Variants in MYO10 observed in about 807,000 individuals in gnomAD.
MYO10 encodes the protein myosin X, also known as unconventional myosin-X.
In MYO10, 133 loss-of-function variants were observed where a neutral mutation model predicts 257.3. The observed-to-expected ratio is 0.52, with a 90% CI of 0.45 to 0.60. The LOEUF is 0.60. MYO10 is among the 20% of genes least tolerant of loss of function. The pLI is 0.00. For missense variants in MYO10, 2,399 were observed against 2,635.7 expected (o/e 0.91, Z 1.97); for synonymous variants, 1,104 against 1,028.6 (o/e 1.07, Z -1.40).
intron 17 of MYO10, among the ~76,000 whole-genome samples, chr5:16,759,904 C>T (rs1165525312): frequency 1.3e-5 from 2 of 152,066 alleles, no homozygotes; most frequent in Non-Finnish European, 2.9e-5. Flanking sequence ...GTTTCAAATT[C>T]TGAGTTTCTA....
At chr5:16,839,654 T>A (rs1273579168) in intron 2 of MYO10, among the ~76,000 whole-genome samples, 2 of 151,978 alleles carry the variant, frequency 1.3e-5, no homozygotes, top group East Asian at 3.9e-4. Flanking sequence ...AAGGGGAAGA[T>A]CACCTGAGGC....
In MYO10 at chr5:16,843,757, GA is replaced by G. The variant is rs77383778; in HGVS notation, c.121-25591del. ...AATATATAGTGATGGGTAAATTACA[GA>G]AAAAAAAATTTTTTTGAAGGAATGG... On this transcript the variant is annotated intron_variant, in intron 2 of 40. Transcript: ENST00000513610. Among the ~76,000 whole-genome samples the G allele has an allele frequency of 8.9e-3, 1,345 of 151,750 alleles. 23 individuals carry two copies. The highest frequency in any genetic ancestry group is 0.031 in the African/African-American group (1,270 of 41,342).
chr5:16,738,376 G>A (rs17429640), intron 19 of MYO10: 96,334 of 985,206 alleles, frequency 0.098, 5,025 homozygotes, highest in African/African-American at 0.18. Context: ...CTGCAGAAGG[G>A]TAGCAAGTGC....
At chr5:16,668,588 G>A (rs1736289088) in intron 39 of MYO10, 120 bp from the exon 40 acceptor site, 2 of 713,880 alleles carry the variant, frequency 2.8e-6, no homozygotes, top group African/African-American at 1.8e-5. Context: ...TATATTCGAT[G>A]TGCATGCATG....
chr5:16,731,030 T>C (rs540078464), intron 19 of MYO10, among the ~76,000 whole-genome samples: 12 of 151,464 alleles, frequency 7.9e-5, no homozygotes, highest in Non-Finnish European at 1.8e-4. Context: ...TGTACTAGCA[T>C]TGATCAAAAC....
intron 2 of MYO10, among the ~76,000 whole-genome samples, chr5:16,870,902 A>C (rs253316): frequency 0.076 from 11,584 of 152,142 alleles, 1,214 homozygotes; most frequent in African/African-American, 0.24. Context: ...CACACACACA[A>C]AAAAAATTCT....
At chr5:16,837,147 C>T (rs1249769824) in intron 2 of MYO10, among the ~76,000 whole-genome samples, 1 of 152,020 alleles carries the variant, frequency 6.6e-6, no homozygotes, top group Non-Finnish European at 1.5e-5. Context: ...CCCATCTCTA[C>T]TAAAAATACA....
At chr5:16,908,769 A>G (rs1320887404) in intron 1 of MYO10, among the ~76,000 whole-genome samples, 2 of 152,250 alleles carry the variant, frequency 1.3e-5, no homozygotes, top group Non-Finnish European at 2.9e-5. Flanking sequence ...ATTTACTCAT[A>G]TAAAACAGAG....
intron 2 of MYO10, among the ~76,000 whole-genome samples, chr5:16,834,740 T>C (rs2126721070): frequency 6.6e-6 from 1 of 152,318 alleles, no homozygotes; most frequent in Middle Eastern, 3.4e-3. Context: ...TTAAGTGAAA[T>C]GAAAAGGACA....
At chr5:16,708,325 G>A (rs1267532053) in intron 21 of MYO10, among the ~76,000 whole-genome samples, 2 of 152,164 alleles carry the variant, frequency 1.3e-5, no homozygotes, top group Non-Finnish European at 2.9e-5. Context: ...TCCACTGTGT[G>A]TGAATATCTT....
intron 26 of MYO10, among the ~76,000 whole-genome samples, chr5:16,697,517 T>C (rs1460656342): frequency 2.6e-5 from 4 of 151,996 alleles, no homozygotes; most frequent in East Asian, 1.9e-4. Context: ...CTGGCCGACA[T>C]GGTGAAACCC....
At chr5:16,697,720 G>A (rs1423776921) in intron 26 of MYO10, among the ~76,000 whole-genome samples, 2 of 151,570 alleles carry the variant, frequency 1.3e-5, no homozygotes, top group Non-Finnish European at 2.9e-5. Flanking sequence ...GGTTTTCATG[G>A]TGGTGAAGAC....
intron 1 of MYO10, among the ~76,000 whole-genome samples, chr5:16,878,342 C>A (rs1744662742): frequency 6.6e-6 from 1 of 152,144 alleles, no homozygotes; most frequent in Non-Finnish European, 1.5e-5. Flanking sequence ...ACTCAGTCCA[C>A]CAGCACAAAT....
At chr5:16,699,782 GTC>G (rs1737950939) in intron 25 of MYO10, 1 of 99,410 alleles carries the variant, frequency 1.0e-5, no homozygotes, top group Non-Finnish European at 1.7e-5. Context: ...GCAAGCCTCA[GTC>G]TCAAAAAAAA....
At chr5:16,738,353 G>T in intron 19 of MYO10, 1 of 984,640 alleles carries the variant, frequency 1.0e-6, no homozygotes, top group Middle Eastern at 5.2e-4. Context: ...AACTGTGCTG[G>T]CTGGGAAGCT....
chr5:16,743,628 G>A (rs1196537465), intron 19 of MYO10, among the ~76,000 whole-genome samples: 2 of 151,832 alleles, frequency 1.3e-5, no homozygotes, highest in Non-Finnish European at 2.9e-5. Context: ...GAGTGAAAGA[G>A]TGAGACTCCA....
At chr5:16,719,751 G>A (rs2126596134) in intron 19 of MYO10, among the ~76,000 whole-genome samples, 1 of 152,182 alleles carries the variant, frequency 6.6e-6, no homozygotes, top group Middle Eastern at 3.4e-3. Flanking sequence ...ATCACCAGAG[G>A]TCAGGAGTTC....
At chr5:16,798,437 C>T (rs555826437) in intron 3 of MYO10, among the ~76,000 whole-genome samples, 13 of 151,826 alleles carry the variant, frequency 8.6e-5, no homozygotes, top group Middle Eastern at 3.4e-3. Context: ...TTTGTCCTGT[C>T]GGAGCACTAT....
intron 18 of MYO10, among the ~76,000 whole-genome samples, chr5:16,755,804 G>T (rs537155593): frequency 6.8e-6 from 1 of 147,008 alleles, no homozygotes; most frequent in African/African-American, 2.5e-5. Flanking sequence ...ACCAGCTTCA[G>T]CTCAGGGCTA....
Sources: gnomAD v4.1 joint callset for allele counts (sites outside exome capture counted in the v4.1 genomes callset) on GRCh38, gnomAD v4.1.1 for gene constraint, MANE v1.5 for transcripts, NCBI Gene and HGNC (gene_info 2026-07-23, HGNC 2026-07-21) for gene names.